The following USP32 variants were observed in gnomAD, a reference collection of about 807,000 sequenced individuals.
USP32 encodes ubiquitin carboxyl-terminal hydrolase 32.
Under a neutral mutation model 204.8 loss-of-function variants are expected in USP32, and 59 were observed. The observed-to-expected ratio is 0.29, with a 90% CI of 0.23 to 0.36. The LOEUF is 0.36. Ranked by LOEUF, USP32 falls within the 10% of genes least tolerant of loss-of-function variation. The pLI is 1.00. For synonymous variants in USP32, 517 were observed against 678.4 expected (o/e 0.76, Z 3.70); for missense variants, 1,160 against 1,946.4 (o/e 0.60, Z 7.60).
intron 1 of USP32, among the ~76,000 whole-genome samples, chr17:60,372,838 C>T (rs1282803601): frequency 1.4e-5 from 2 of 143,686 alleles, no homozygotes; most frequent in Non-Finnish European, 3.0e-5. Flanking sequence ...CAGAGTGAGA[C>T]CCTGTCTAAA....
chr17:60,307,527 C>T (rs1228787014), intron 2 of USP32, among the ~76,000 whole-genome samples: 1 of 152,160 alleles, frequency 6.6e-6, no homozygotes, highest in Admixed American at 6.6e-5. Context: ...ATACATGGAA[C>T]CTCAAAAGAC....
chr17:60,262,195 G>T (rs1288576035), intron 9 of USP32, among the ~76,000 whole-genome samples: 2 of 151,954 alleles, frequency 1.3e-5, no homozygotes, highest in African/African-American at 2.4e-5. Context: ...ATGTATGTAT[G>T]TATTTATTTA....
rs2089948436 is a variant in USP32, at chr17:60,403,048, T to C, written c.106+19198A>G. ...TTTTTTTTGAGACGGAGTCTCGCTC[T>C]GTTGCCAGGCTGGAGTGCAGTGTCA... On this transcript the variant is annotated intron_variant, in intron 1 of 3. Transcript: ENST00000588898. Among the ~76,000 whole-genome samples, 3 of 152,142 alleles carry C rather than the reference T, an allele frequency of 2.0e-5. No homozygotes were observed. The East Asian group carries it at 5.8e-4, about 29-fold the overall frequency.
At chr17:60,256,371 A>G (rs1352106783) in intron 9 of USP32, among the ~76,000 whole-genome samples, 1 of 152,196 alleles carries the variant, frequency 6.6e-6, no homozygotes, top group African/African-American at 2.4e-5. Context: ...TCTTATCATG[A>G]TCACTTTTCA....
intron 27 of USP32, among the ~76,000 whole-genome samples, chr17:60,196,270 C>CAAAAAAAAAAAAAAAAAAAAA (rs749074954): frequency 7.7e-6 from 1 of 129,224 alleles, no homozygotes; most frequent in African/African-American, 3.5e-5. Context: ...ATCCCCACGC[C>CAAAAAAAAAAAAAAAAAAAAA]AAAAAAAGAA....
chr17:60,421,526 G>T, intron 1 of USP32: 1 of 985,492 alleles, frequency 1.0e-6, no homozygotes, highest in Non-Finnish European at 1.2e-6. Flanking sequence ...CAGAGGACAC[G>T]AAGGAAGGTC....
intron 1 of USP32, among the ~76,000 whole-genome samples, chr17:60,407,895 C>T (rs987011514): frequency 6.6e-6 from 1 of 151,014 alleles, no homozygotes; most frequent in African/African-American, 2.4e-5. Context: ...GTCAGGAGTT[C>T]GAGACCAGCC....
intron 2 of USP32, among the ~76,000 whole-genome samples, chr17:60,308,420 TCA>T (rs1567843942): frequency 6.6e-6 from 1 of 152,044 alleles, no homozygotes; most frequent in Non-Finnish European, 1.5e-5. Context: ...CACACCCCCA[TCA>T]CACACCCTGT....
At chr17:60,296,243 T>A (rs1386832414) in intron 3 of USP32, among the ~76,000 whole-genome samples, 2 of 152,212 alleles carry the variant, frequency 1.3e-5, no homozygotes, top group Non-Finnish European at 2.9e-5. Flanking sequence ...CCTAAAGATA[T>A]ACTGAAGTCC....
chr17:60,334,520 G>A (rs1271622934), intron 2 of USP32, among the ~76,000 whole-genome samples: 11 of 151,474 alleles, frequency 7.3e-5, no homozygotes, highest in Admixed American at 2.0e-4. Flanking sequence ...GTGAAACCTC[G>A]TCTCTACTAA....
chr17:60,256,845 T>A, intron 9 of USP32: 3 of 792,622 alleles, frequency 3.8e-6, no homozygotes, highest in Non-Finnish European at 5.3e-6. Context: ...CAGTCAACAT[T>A]AATCAACTTA....
intron 1 of USP32, among the ~76,000 whole-genome samples, chr17:60,407,781 CA>C (rs750848462): frequency 0.15 from 5,490 of 35,940 alleles, 58 homozygotes; most frequent in African/African-American, 0.3. Flanking sequence ...GCCTCTGTCT[CA>C]AAAAAAAAAA....
At chr17:60,236,274 A>G (rs764362712) in intron 11 of USP32, 34 bp from the exon 12 acceptor site, 2 of 1,567,154 alleles carry the variant, frequency 1.3e-6, no homozygotes, top group East Asian at 2.2e-5. Context: ...TACATCAAAC[A>G]AAGTGTGAAA....
chr17:60,318,249 A>G (rs185469168), intron 2 of USP32, among the ~76,000 whole-genome samples: 2 of 152,340 alleles, frequency 1.3e-5, no homozygotes, highest in Admixed American at 6.5e-5. Context: ...CTCAGCATAT[A>G]TAAAGATATA....
chr17:60,337,000 A>C (rs2088538419), intron 2 of USP32, among the ~76,000 whole-genome samples: 2 of 152,240 alleles, frequency 1.3e-5, no homozygotes, highest in African/African-American at 4.8e-5. Context: ...AGTGACCAAC[A>C]GTATCAAGAG....
intron 1 of USP32, among the ~76,000 whole-genome samples, chr17:60,373,462 G>C (rs78655817): frequency 6.4e-5 from 4 of 62,090 alleles, no homozygotes; most frequent in Non-Finnish European, 1.4e-4. Flanking sequence ...TTTTTTTTTT[G>C]AGACCAAGTC....
rs142307882 is a variant in USP32, at chr17:60,296,182, C to T, written c.293-1381G>A. 6.0e-3 allele frequency among the ~76,000 whole-genome samples: 906 copies of T among 152,188 alleles called. 8 individuals are homozygous for T. Among genetic ancestry groups the T allele is most frequent in the South Asian group, 9.6e-3 (46 of 4,812 alleles). ...GAAATAGTTAAGCTAGGTGGAGGTA[C>T]GTATTAGATATATGTTTGAAATATT... On this transcript the variant is annotated intron_variant, in intron 3 of 33. Transcript: ENST00000300896.
At chr17:60,292,565 T>A (rs1379478080) in intron 4 of USP32, among the ~76,000 whole-genome samples, 1 of 152,096 alleles carries the variant, frequency 6.6e-6, no homozygotes, top group Non-Finnish European at 1.5e-5. Flanking sequence ...TAGTCCATAA[T>A]CAATACGAGA....
upstream of USP32, among the ~76,000 whole-genome samples, chr17:60,393,942 C>T (rs1216389785): frequency 6.6e-6 from 1 of 152,200 alleles, no homozygotes; most frequent in Non-Finnish European, 1.5e-5. Flanking sequence ...CCTCAGCCTC[C>T]CAGAGTGCTG....
Sources: allele counts gnomAD v4.1 joint callset (sites outside exome capture counted in the v4.1 genomes callset), GRCh38; gene constraint gnomAD v4.1.1; transcripts MANE v1.5; gene names NCBI Gene and HGNC (gene_info 2026-07-23, HGNC 2026-07-21).